NCKAP5: variants seen among roughly 807,000 people sequenced by gnomAD.
The protein encoded by NCKAP5 is nck-associated protein 5.
NCKAP5 carries 92 observed loss-of-function variants against 167.0 expected under a neutral mutation model. The ratio of observed to expected loss-of-function variants is 0.55; its 90% confidence interval spans 0.47 to 0.66. The LOEUF is 0.66. NCKAP5 is among the 30% of genes least tolerant of loss of function. The pLI, the probability that NCKAP5 is intolerant of heterozygous loss-of-function variation, is 0.00. For synonymous variants in NCKAP5, 891 were observed against 877.4 expected, an observed-to-expected ratio of 1.02 and a Z score of -0.27; for missense variants, 2,378 against 2,315.0, an observed-to-expected ratio of 1.03 and a Z score of -0.56.
chr2:133,169,160 T>C (rs1236346959), intron 5 of NCKAP5, among the ~76,000 whole-genome samples: 1 of 152,202 alleles, frequency 6.6e-6, no homozygotes, highest in African/African-American at 2.4e-5. Flanking sequence ...CAAACAACTC[T>C]CAGCAATCTT....
chr2:133,635,374 G>A, the NCKAP5 span, among the ~76,000 whole-genome samples: 6 of 152,268 alleles, frequency 3.9e-5, no homozygotes, highest in African/African-American at 1.4e-4. Flanking sequence ...ACTTGAAAAT[G>A]ATGACAATGC....
intron 3 of NCKAP5, among the ~76,000 whole-genome samples, chr2:133,390,434 A>G (rs1443788567): frequency 6.6e-6 from 1 of 152,188 alleles, no homozygotes; most frequent in African/African-American, 2.4e-5. Context: ...ACACAGGCCT[A>G]TTTCCACACT....
At chr2:133,299,623 C>T (rs1349946806) in intron 4 of NCKAP5, among the ~76,000 whole-genome samples, 2 of 152,094 alleles carry the variant, frequency 1.3e-5, no homozygotes, top group African/African-American at 4.8e-5. Context: ...TGGCGGAAGG[C>T]ACCTGTAATC....
At chr2:133,433,656 G>T (rs977360270) in intron 3 of NCKAP5, 1 of 152,152 alleles carries the variant, frequency 6.6e-6, no homozygotes, top group Admixed American at 6.6e-5. Context: ...AAAAGTTTTA[G>T]CAGTAATGAA....
intron 3 of NCKAP5, among the ~76,000 whole-genome samples, chr2:133,418,517 C>G (rs1218614697): frequency 6.6e-6 from 1 of 152,150 alleles, no homozygotes; most frequent in Non-Finnish European, 1.5e-5. Flanking sequence ...TACTCCCCAA[C>G]CAGACTAGGA....
rs1157498243 is a variant in NCKAP5 at position 132,695,529 on chromosome 2, T to C, written c.5714-22224A>G. 2.0e-5 allele frequency among the ~76,000 whole-genome samples: 3 copies of C among 152,196 alleles called. No individual in the cohort carries two copies. The East Asian group carries it at 5.8e-4, about 29-fold the overall frequency. On this transcript the variant is annotated intron_variant, in intron 19 of 19. Coordinates refer to ENST00000409261, the MANE Select transcript of NCKAP5 (RefSeq NM_207363.3). ...CTGTCCCCTTGTGCCCCATAATCCCTAAATAAATGATAGCTCCTGAGAAAT... is the reference window on the plus strand; with the variant it reads ...CTGTCCCCTTGTGCCCCATAATCCCCAAATAAATGATAGCTCCTGAGAAAT...
chr2:133,101,172 T>C (rs1408963228), intron 6 of NCKAP5, among the ~76,000 whole-genome samples: 1 of 147,022 alleles, frequency 6.8e-6, no homozygotes, highest in African/African-American at 2.6e-5. Context: ...CCTTTCCCCA[T>C]TGCTTGTTTT....
chr2:133,339,980 C>T (rs1683463171), intron 3 of NCKAP5, among the ~76,000 whole-genome samples: 3 of 152,184 alleles, frequency 2.0e-5, no homozygotes, highest in Admixed American at 1.3e-4. Flanking sequence ...TGTTAAGAGT[C>T]ACATGGTTTA....
upstream of NCKAP5, among the ~76,000 whole-genome samples, chr2:133,571,908 G>A (rs60939727): frequency 0.12 from 18,926 of 151,628 alleles, 1,835 homozygotes; most frequent in African/African-American, 0.26. Context: ...TGAGGAGGCG[G>A]AGGTTGCCGT....
At chr2:133,139,946 C>T (rs1202887442) in intron 5 of NCKAP5, among the ~76,000 whole-genome samples, 37 of 152,212 alleles carry the variant, frequency 2.4e-4, no homozygotes, top group Admixed American at 2.4e-3. Context: ...AATTCAGACT[C>T]TCTTTCCCTT....
chr2:132,872,938 C>T (rs1690945427), intron 9 of NCKAP5, among the ~76,000 whole-genome samples: 1 of 151,980 alleles, frequency 6.6e-6, no homozygotes, highest in South Asian at 2.1e-4. Flanking sequence ...AGGGGAGCTG[C>T]CTACCTCTAA....
At chr2:132,769,515 G>A (rs77260918) in intron 16 of NCKAP5, among the ~76,000 whole-genome samples, 1 of 137,422 alleles carries the variant, frequency 7.3e-6, no homozygotes, top group Admixed American at 7.1e-5. Context: ...TATTATCAGG[G>A]TGAAAATATA....
intron 5 of NCKAP5, among the ~76,000 whole-genome samples, chr2:133,154,956 C>A (rs1462683436): frequency 6.6e-6 from 1 of 152,200 alleles, no homozygotes; most frequent in African/African-American, 2.4e-5. Flanking sequence ...AGGCTCTATA[C>A]CTGGGCCACT....
At position 132,784,054 on chromosome 2, in the gene NCKAP5, C is replaced by T. The variant is rs2105052054; in HGVS notation, c.2757G>A (p.Gly919=). The change falls in exon 14 of 20, where the codon GGG becomes GGA. Residue 919 remains glycine (G), a synonymous_variant. Coordinates refer to ENST00000409261, the MANE Select transcript of NCKAP5 (RefSeq NM_207363.3). ...PPTRDEHCGS[G]PEAGVKSPSP... ...AAGGGGATTTCACCCCTGCCTCCGG[C>T]CCAGAGCCACAGTGTTCATCCCTCG... is the stretch of plus-strand genomic sequence containing the variant. The T allele has an allele frequency of 6.5e-7, 1 of 1,532,574 alleles. No homozygotes were observed. The highest frequency in any genetic ancestry group is 1.8e-4 in the Middle Eastern group (1 of 5,654). The allele number at this position is 1,532,574 out of a possible 1,614,324, so 94.9% of individuals were successfully genotyped here. A position where few individuals can be genotyped will look rare whatever the true frequency, so the allele number is the denominator to read the frequency against.
At chr2:133,172,419 T>G (rs1277377040) in intron 5 of NCKAP5, among the ~76,000 whole-genome samples, 1 of 152,262 alleles carries the variant, frequency 6.6e-6, no homozygotes, top group Non-Finnish European at 1.5e-5. Context: ...ATCACAAATC[T>G]TGCCACTTGC....
chr2:132,820,532 T>A (rs1358820166), intron 11 of NCKAP5, among the ~76,000 whole-genome samples: 3 of 151,636 alleles, frequency 2.0e-5, no homozygotes, highest in Non-Finnish European at 4.4e-5. Context: ...CCAGCCAGTG[T>A]TTTTTTTGTT....
chr2:132,819,532 A>G (rs185949709), intron 11 of NCKAP5, among the ~76,000 whole-genome samples: 1 of 152,218 alleles, frequency 6.6e-6, no homozygotes, highest in Non-Finnish European at 1.5e-5. Context: ...GTAGGAGGCA[A>G]AGAAGAAACA....
At chr2:133,564,704 C>T (rs1039917736) in intron 1 of NCKAP5, among the ~76,000 whole-genome samples, 12 of 152,030 alleles carry the variant, frequency 7.9e-5, no homozygotes, top group East Asian at 1.9e-4. Context: ...AATGCAGGAC[C>T]GCAGTCTTCT....
chr2:132,752,502 T>A (rs970126927), intron 16 of NCKAP5, among the ~76,000 whole-genome samples: 1 of 152,180 alleles, frequency 6.6e-6, no homozygotes, highest in Admixed American at 6.5e-5. Flanking sequence ...CTGGCTGGTG[T>A]CTGAATCTTG....
Sources: gnomAD v4.1 joint callset for allele counts (sites outside exome capture counted in the v4.1 genomes callset) on GRCh38, gnomAD v4.1.1 for gene constraint, MANE v1.5 for transcripts, NCBI Gene and HGNC (gene_info 2026-07-23, HGNC 2026-07-21) for gene names.